The following PDE1A variants were observed in gnomAD, a reference collection of about 807,000 sequenced individuals.
PDE1A encodes the protein phosphodiesterase 1A.
In PDE1A, 35 loss-of-function variants were observed where a neutral mutation model predicts 61.7. The ratio of observed to expected loss-of-function variants is 0.57; its 90% CI spans 0.43 to 0.75. The LOEUF (loss-of-function observed/expected upper bound fraction) is 0.75, where lower values mean the gene tolerates loss of function less well. Ranked by LOEUF, PDE1A falls within the 30% of genes least tolerant of loss-of-function variation. PDE1A has a pLI of 0.00. For missense variants in PDE1A, 597 were observed against 630.6 expected (o/e 0.95, Z 0.57); for synonymous variants, 232 against 213.2 (o/e 1.09, Z -0.77).
chr2:182,676,899 T>C, the PDE1A span, among the ~76,000 whole-genome samples: 2 of 152,140 alleles, frequency 1.3e-5, no homozygotes, highest in East Asian at 1.9e-4. Context: ...AAACTAGGTA[T>C]AGAAGGAACA....
At chr2:182,513,074 A>C (rs1343915213) in intron 2 of PDE1A, among the ~76,000 whole-genome samples, 1 of 152,208 alleles carries the variant, frequency 6.6e-6, no homozygotes, top group Non-Finnish European at 1.5e-5. Flanking sequence ...AGAGAGGTTG[A>C]CATTCAAATT....
At chr2:182,663,873 A>G in the PDE1A span, among the ~76,000 whole-genome samples, 97,433 of 151,930 alleles carry the variant, frequency 0.64, 31,766 homozygotes, top group Middle Eastern at 0.78. Context: ...AAAATAAACC[A>G]TAAGAAAGTA....
chr2:182,358,282 A>C (rs1699308756), intron 1 of PDE1A, among the ~76,000 whole-genome samples: 1 of 152,018 alleles, frequency 6.6e-6, no homozygotes, highest in Non-Finnish European at 1.5e-5. Flanking sequence ...ACTCTCCCTC[A>C]AGGTTCACTT....
chr2:182,228,019 A>C (rs1230265303), intron 6 of PDE1A, among the ~76,000 whole-genome samples: 2 of 152,124 alleles, frequency 1.3e-5, no homozygotes, highest in African/African-American at 4.8e-5. Context: ...CCTCTAATGC[A>C]AATGTTTTCT....
At chr2:182,211,867 C>A (rs900341681) in intron 7 of PDE1A, among the ~76,000 whole-genome samples, 8 of 152,134 alleles carry the variant, frequency 5.3e-5, no homozygotes, top group Non-Finnish European at 1.2e-4. Context: ...TGCAACCCTG[C>A]TATAATCACT....
At chr2:182,456,957 T>G (rs1194892465) in intron 2 of PDE1A, among the ~76,000 whole-genome samples, 2 of 152,106 alleles carry the variant, frequency 1.3e-5, no homozygotes, top group African/African-American at 2.4e-5. Context: ...ACACACTAAA[T>G]GCCTGTGGTT....
At chr2:182,203,159 CA>C (rs1056962817) in intron 8 of PDE1A, among the ~76,000 whole-genome samples, 50 of 145,832 alleles carry the variant, frequency 3.4e-4, no homozygotes, top group Admixed American at 4.8e-4. Flanking sequence ...ACTAAAAATA[CA>C]AAAAAAAAAA....
chr2:182,191,420 A>C (rs977348483), intron 10 of PDE1A, among the ~76,000 whole-genome samples: 9 of 152,158 alleles, frequency 5.9e-5, no homozygotes, highest in Non-Finnish European at 1.0e-4. Context: ...TATTGATGAA[A>C]TAAAATAGAA....
chr2:182,278,673 C>T (rs1366922646), intron 1 of PDE1A, among the ~76,000 whole-genome samples: 1 of 151,862 alleles, frequency 6.6e-6, no homozygotes, highest in Non-Finnish European at 1.5e-5. Context: ...AACAGTGATT[C>T]ATGTTGGTCC....
chr2:182,450,539 C>T (rs1233639868), intron 2 of PDE1A, among the ~76,000 whole-genome samples: 2 of 125,828 alleles, frequency 1.6e-5, no homozygotes, highest in Admixed American at 1.7e-4. Flanking sequence ...TCAAGCTAGT[C>T]CTCAAAAATG....
chr2:182,680,514 T>C, the PDE1A span, among the ~76,000 whole-genome samples: 2 of 152,312 alleles, frequency 1.3e-5, no homozygotes, highest in East Asian at 3.9e-4. Flanking sequence ...TTTATACATG[T>C]TAAATAGTTA....
intron 7 of PDE1A, among the ~76,000 whole-genome samples, chr2:182,212,207 A>ATCT (rs1553538217): frequency 9.9e-6 from 1 of 101,438 alleles, no homozygotes; most frequent in Non-Finnish European, 2.1e-5. Flanking sequence ...TATATATATT[A>ATCT]CGTACGAGAT....
chr2:182,390,035 G>A (rs1407504919), intron 1 of PDE1A, among the ~76,000 whole-genome samples: 1 of 152,168 alleles, frequency 6.6e-6, no homozygotes, highest in Non-Finnish European at 1.5e-5. Flanking sequence ...TTGGGATTCA[G>A]ACTGGCTTTC....
At chr2:182,405,407 C>T (rs1441161544) in intron 1 of PDE1A, among the ~76,000 whole-genome samples, 2 of 152,194 alleles carry the variant, frequency 1.3e-5, no homozygotes, top group African/African-American at 4.8e-5. Flanking sequence ...GTGTAGTTCA[C>T]AATGCTAAGT....
chr2:182,665,673 C>A, the PDE1A span, among the ~76,000 whole-genome samples: 1 of 152,106 alleles, frequency 6.6e-6, no homozygotes, highest in Non-Finnish European at 1.5e-5. Context: ...CCTCAAAGAT[C>A]TAGAACCAGA....
chr2:182,697,703 C>T, the PDE1A span, among the ~76,000 whole-genome samples: 41 of 152,236 alleles, frequency 2.7e-4, no homozygotes, highest in Non-Finnish European at 4.9e-4. Context: ...TCAACCCCAG[C>T]TTCTCTGCTA....
At chr2:182,639,435 G>T in the PDE1A span, among the ~76,000 whole-genome samples, 1 of 152,124 alleles carries the variant, frequency 6.6e-6, no homozygotes, top group African/African-American at 2.4e-5. Context: ...GGGCAGGGTG[G>T]CACACACCTG....
the PDE1A span, among the ~76,000 whole-genome samples, chr2:182,596,787 TAG>T: frequency 6.6e-6 from 1 of 152,154 alleles, no homozygotes; most frequent in Admixed American, 6.5e-5. Context: ...ATGAAAGCTG[TAG>T]AGTAACCAGA....
the PDE1A span, among the ~76,000 whole-genome samples, chr2:182,695,679 A>AAAAAG: frequency 4.3e-5 from 4 of 92,312 alleles, no homozygotes; most frequent in African/African-American, 3.6e-5. Context: ...AAAAAAAAAA[A>AAAAAG]AAAAAAGAAA....
Sources: gnomAD v4.1 joint callset for allele counts (sites outside exome capture counted in the v4.1 genomes callset) on GRCh38, gnomAD v4.1.1 for gene constraint, MANE v1.5 for transcripts, NCBI Gene and HGNC (gene_info 2026-07-23, HGNC 2026-07-21) for gene names.